FBXL17: variants seen among roughly 807,000 people sequenced by gnomAD.
The protein encoded by FBXL17 is F-box and leucine rich repeat protein 17.
In FBXL17, 22 loss-of-function variants were observed where a neutral mutation model predicts 66.2. The observed-to-expected ratio is 0.33, with a 90% CI of 0.24 to 0.47. FBXL17 has a LOEUF of 0.47. Among genes scored for constraint, FBXL17 ranks in the 20% least tolerant of loss-of-function variants. FBXL17 has a pLI of 1.00. For synonymous variants in FBXL17, 474 were observed against 400.5 expected (o/e 1.18, Z -2.19); for missense variants, 878 against 948.2 (o/e 0.93, Z 0.97).
At chr5:108,237,775 T>C (rs528157150) in intron 4 of FBXL17, among the ~76,000 whole-genome samples, 1 of 152,232 alleles carries the variant, frequency 6.6e-6, no homozygotes, top group South Asian at 2.1e-4. Context: ...GATGATAACA[T>C]ATCACACCCC....
At chr5:108,055,309 A>AAAAAG (rs1561388300) in intron 6 of FBXL17, among the ~76,000 whole-genome samples, 1 of 22,522 alleles carries the variant, frequency 4.4e-5, no homozygotes, top group Non-Finnish European at 8.7e-5. Flanking sequence ...AAAAAAAAAA[A>AAAAAG]AAAAGAAAAA....
rs1433265353 is a variant in FBXL17, at chr5:108,127,187, G to A, written c.1745+58930C>T. 8.5e-5 allele frequency among the ~76,000 whole-genome samples: 13 copies of A among 152,260 alleles called. No individual in the cohort carries two copies. In the East Asian group the frequency reaches 2.3e-3, roughly 27 times the overall value. Reference sequence around the variant, plus strand: ...GTCTAAGAAAGTAATTATAAATTTGGAAGACACCAACACTTATGTCTTTGT... The same window carrying A: ...GTCTAAGAAAGTAATTATAAATTTGAAAGACACCAACACTTATGTCTTTGT... On this transcript the variant is annotated intron_variant, in intron 6 of 8. Coordinates refer to ENST00000542267, the MANE Select transcript of FBXL17 (RefSeq NM_001163315.3).
At chr5:108,219,423 C>T (rs543937940) in intron 5 of FBXL17, among the ~76,000 whole-genome samples, 3 of 152,278 alleles carry the variant, frequency 2.0e-5, no homozygotes, top group East Asian at 1.9e-4. Context: ...TGGTTGCTCA[C>T]GCCTGTAATC....
chr5:108,318,286 T>C (rs1015042547), intron 4 of FBXL17, among the ~76,000 whole-genome samples: 1 of 151,746 alleles, frequency 6.6e-6, no homozygotes, highest in African/African-American at 2.4e-5. Context: ...CATTTGTTTT[T>C]TACCTTTGCT....
At chr5:108,057,626 A>G (rs557990530) in intron 6 of FBXL17, among the ~76,000 whole-genome samples, 2 of 152,210 alleles carry the variant, frequency 1.3e-5, no homozygotes, top group Non-Finnish European at 2.9e-5. Flanking sequence ...TGTGCAGCTG[A>G]AGATGAAAGA....
intron 6 of FBXL17, among the ~76,000 whole-genome samples, chr5:108,182,738 C>CTT (rs1299065958): frequency 2.0e-5 from 3 of 152,014 alleles, no homozygotes; most frequent in African/African-American, 7.2e-5. Flanking sequence ...GTACATGAAG[C>CTT]CTAACAAAGG....
At chr5:107,922,025 A>G (rs1750340120) in intron 7 of FBXL17, among the ~76,000 whole-genome samples, 1 of 152,172 alleles carries the variant, frequency 6.6e-6, no homozygotes, top group Non-Finnish European at 1.5e-5. Context: ...CACAAGTACT[A>G]AGCGATGTTG....
rs1759439985 is a variant in FBXL17, at chr5:108,317,800, A to C, written c.1506+30599T>G. On this transcript the variant is annotated intron_variant, in intron 4 of 8. Coordinates refer to ENST00000542267, the MANE Select transcript of FBXL17 (RefSeq NM_001163315.3). ...TAGAATTTCTGCAGTCAAATGGAACAGTATTCTTTAGTGTAAAAGTATTAA... is the reference window on the plus strand; with the variant it reads ...TAGAATTTCTGCAGTCAAATGGAACCGTATTCTTTAGTGTAAAAGTATTAA... Among the ~76,000 whole-genome samples, 3 of 151,650 alleles carry C rather than the reference A, an allele frequency of 2.0e-5. No individual in the cohort carries two copies. The South Asian group carries it at 6.2e-4, about 31-fold the overall frequency.
chr5:107,916,409 T>G (rs1750136490), intron 7 of FBXL17, among the ~76,000 whole-genome samples: 1 of 152,210 alleles, frequency 6.6e-6, no homozygotes, highest in African/African-American at 2.4e-5. Context: ...CCCCATGTAC[T>G]CTAATGTCTT....
intron 6 of FBXL17, among the ~76,000 whole-genome samples, chr5:108,154,590 CAAA>C (rs1162622917): frequency 3.5e-4 from 14 of 39,934 alleles, no homozygotes; most frequent in African/African-American, 8.0e-4. Context: ...AACTCAGTTT[CAAA>C]AAAAAAAAAA....
At chr5:108,061,161 C>A (rs2112844374) in intron 6 of FBXL17, among the ~76,000 whole-genome samples, 1 of 152,130 alleles carries the variant, frequency 6.6e-6, no homozygotes, top group East Asian at 1.9e-4. Flanking sequence ...GTGGTGCATG[C>A]CTGTAATCCC....
At chr5:108,089,271 T>C (rs1749097480) in intron 6 of FBXL17, among the ~76,000 whole-genome samples, 1 of 152,198 alleles carries the variant, frequency 6.6e-6, no homozygotes, top group African/African-American at 2.4e-5. Context: ...GTTGCTGCTT[T>C]TGGGGTAAAG....
chr5:108,064,168 T>C (rs1748029599), intron 6 of FBXL17, among the ~76,000 whole-genome samples: 1 of 152,194 alleles, frequency 6.6e-6, no homozygotes, highest in Non-Finnish European at 1.5e-5. Context: ...TTTATTAATA[T>C]ATATTGCAGG....
chr5:107,905,677 A>G (rs975274369), intron 7 of FBXL17, among the ~76,000 whole-genome samples: 1 of 152,228 alleles, frequency 6.6e-6, no homozygotes, highest in African/African-American at 2.4e-5. Flanking sequence ...ATGTATGTAT[A>G]TATCTTCTCT....
chr5:108,022,599 A>T (rs1243141605), intron 6 of FBXL17, among the ~76,000 whole-genome samples: 1 of 152,072 alleles, frequency 6.6e-6, no homozygotes, highest in Non-Finnish European at 1.5e-5. Flanking sequence ...ACCAAAAATC[A>T]TTAATTGCAG....
chr5:108,033,805 T>C (rs555473112), intron 6 of FBXL17, among the ~76,000 whole-genome samples: 94 of 152,280 alleles, frequency 6.2e-4, no homozygotes, highest in Non-Finnish European at 1.1e-3. Flanking sequence ...TCTGATGAGT[T>C]CGTAAAGACG....
intron 8 of FBXL17, among the ~76,000 whole-genome samples, chr5:107,868,089 C>T (rs1468350328): frequency 6.6e-6 from 1 of 152,198 alleles, no homozygotes; most frequent in African/African-American, 2.4e-5. Context: ...TCCCAGACAT[C>T]TAAGCATGAA....
intron 6 of FBXL17, among the ~76,000 whole-genome samples, chr5:108,109,308 A>G (rs1484594267): frequency 6.6e-6 from 1 of 152,124 alleles, no homozygotes; most frequent in Non-Finnish European, 1.5e-5. Flanking sequence ...GAAGCAGGTC[A>G]TAAGACTTTC....
chr5:108,076,291 G>C (rs1031697333), intron 6 of FBXL17, among the ~76,000 whole-genome samples: 4 of 150,060 alleles, frequency 2.7e-5, no homozygotes, highest in African/African-American at 9.8e-5. Context: ...GCTGGGGTGT[G>C]GATCTTGGCC....
Sources: allele counts gnomAD v4.1 joint callset (sites outside exome capture counted in the v4.1 genomes callset), GRCh38; gene constraint gnomAD v4.1.1; transcripts MANE v1.5; gene names NCBI Gene and HGNC (gene_info 2026-07-23, HGNC 2026-07-21).